NLRP4: variants seen among roughly 807,000 people sequenced by gnomAD.
The protein encoded by NLRP4 is NACHT, LRR and PYD domains-containing protein 4.
A neutral mutation model predicts 84.7 loss-of-function variants in NLRP4; 44 were observed. That is an observed-to-expected ratio of 0.52 (90% CI 0.41 to 0.67). The LOEUF is 0.67. Ranked by LOEUF, NLRP4 falls within the 30% of genes least tolerant of loss-of-function variation. The pLI is 0.00. For synonymous variants in NLRP4, 544 were observed against 476.4 expected (o/e 1.14, Z -1.85); for missense variants, 1,260 against 1,219.4 (o/e 1.03, Z -0.50).
intron 9 of NLRP4, 48 bp downstream of exon 9, chr19:55,879,012 G>A: frequency 6.8e-7 from 1 of 1,461,478 alleles, no homozygotes; most frequent in Non-Finnish European, 9.5e-7. Context: ...TCCGGGCTAA[G>A]AAGGGATTGG....
intron 1 of NLRP4, among the ~76,000 whole-genome samples, chr19:55,840,566 T>A (rs979082721): frequency 2.6e-5 from 4 of 151,980 alleles, no homozygotes; most frequent in African/African-American, 9.7e-5. Flanking sequence ...TATTTTTTAT[T>A]TTTTGGTATT....
At position 55,867,888 on chromosome 19, in the gene NLRP4, T is replaced by C. The variant is rs1268130006; in HGVS notation, c.2354+12T>C. On this transcript the variant is annotated intron_variant, in intron 6 of 9. Transcript: ENST00000301295. ...CTGGTATACCTGATGTGAGTGGATG[T>C]TGGGGGTGCCTACTGTGGAGGGCCA... 1 of 1,612,446 alleles carries C rather than the reference T, an allele frequency of 6.2e-7. No individual in the cohort carries two copies. Among genetic ancestry groups the C allele is most frequent in the South Asian group, 1.1e-5 (1 of 90,880 alleles).
intron 1 of NLRP4, among the ~76,000 whole-genome samples, chr19:55,845,153 TCTC>T (rs1341057061): frequency 6.7e-6 from 1 of 149,178 alleles, no homozygotes; most frequent in Admixed American, 6.7e-5. Context: ...ATTAGGTACA[TCTC>T]CTAATGCTAT....
chr19:55,849,698 G>A (rs960665739), intron 1 of NLRP4, among the ~76,000 whole-genome samples: 2 of 152,210 alleles, frequency 1.3e-5, no homozygotes, highest in African/African-American at 4.8e-5. Flanking sequence ...CTTCTCTATT[G>A]TTTACTGAGA....
chr19:55,859,098 G>T lies in NLRP4; in HGVS notation c.1705G>T (p.Ala569Ser). 6.2e-7 allele frequency: 1 copy of T among 1,614,004 alleles called. No homozygotes were observed. The highest frequency in any genetic ancestry group is 8.5e-7 in the Non-Finnish European group (1 of 1,179,908). ...EMQDPAFVKQ[A>S]VNLLQEANFH... ...GCAGGATCCTGCCTTTGTGAAGCAG[G>T]CAGTGAACCTCCTCCAAGAAGCTAA... The change falls in exon 3 of 10, where the codon GCA (alanine) becomes TCA (serine). Residue 569 changes from alanine to serine, a missense_variant. This residue lies in a region of NLRP4 where 544 missense variants were observed against 531.7 expected (regional missense o/e 1.02). Transcript: ENST00000301295.
At chr19:55,869,312 C>T (rs1001387316) in intron 6 of NLRP4, among the ~76,000 whole-genome samples, 2 of 151,226 alleles carry the variant, frequency 1.3e-5, no homozygotes, top group Admixed American at 1.3e-4. Flanking sequence ...TGCAGTGAGC[C>T]GAGATCGCAC....
intron 3 of NLRP4, among the ~76,000 whole-genome samples, chr19:55,860,103 G>A (rs1454268392): frequency 9.3e-5 from 14 of 150,018 alleles, no homozygotes; most frequent in South Asian, 8.4e-4. Context: ...CTCCTGCCTC[G>A]GCCTCCCGAA....
At chr19:55,866,497 C>T (rs1401037250) in intron 5 of NLRP4, among the ~76,000 whole-genome samples, 4 of 152,098 alleles carry the variant, frequency 2.6e-5, no homozygotes, top group Non-Finnish European at 4.4e-5. Context: ...TGTCTCTGAG[C>T]TTATTTTTTG....
intron 1 of NLRP4, among the ~76,000 whole-genome samples, chr19:55,843,747 C>G (rs1983697168): frequency 6.6e-6 from 1 of 151,926 alleles, no homozygotes; most frequent in South Asian, 2.1e-4. Flanking sequence ...TAGGTTGGTA[C>G]AAAAGTAATT....
Position 55,858,108 on chromosome 19 carries a change from G to A in NLRP4, c.715G>A (p.Gly239Ser), listed in dbSNP as rs757818979. Reference sequence around the variant, plus strand: ...CGACAGCTTCGAAGAGCTGCAGGGCGGCTTGAACGAACCCGATTCGGATCT... The same window carrying A: ...CGACAGCTTCGAAGAGCTGCAGGGCAGCTTGAACGAACCCGATTCGGATCT... ...VIDSFEELQG[G>S]LNEPDSDLCG... Residue 239 changes from glycine to serine, a missense_variant, in exon 3 of 10, where the codon GGC becomes AGC. Around this residue, in one of 3 missense-constraint regions of NLRP4, gnomAD observed 712 missense variants for 669.2 expected, o/e 1.06. Coordinates refer to ENST00000301295, the MANE Select transcript of NLRP4 (RefSeq NM_134444.5). The surrounding 1 kb of genome is among the most constrained non-coding windows in gnomAD (Gnocchi z 4.2). 26 of 1,614,022 alleles carry A rather than the reference G, an allele frequency of 1.6e-5. No individual in the cohort carries two copies. Among genetic ancestry groups the A allele is most frequent in the Middle Eastern group, 1.6e-4 (1 of 6,084 alleles).
chr19:55,859,908 C>T (rs1861103557), intron 3 of NLRP4, among the ~76,000 whole-genome samples: 1 of 104,102 alleles, frequency 9.6e-6, no homozygotes, highest in Non-Finnish European at 1.7e-5. Context: ...GGCTGGGTGA[C>T]AGTGAGACTC....
chr19:55,873,021 G>A (rs302443), intron 7 of NLRP4, among the ~76,000 whole-genome samples: 45,820 of 151,982 alleles, frequency 0.3, 7,440 homozygotes, highest in African/African-American at 0.41. Context: ...GCGGGGAGAC[G>A]GGAGGGTGGA....
intron 9 of NLRP4, among the ~76,000 whole-genome samples, chr19:55,880,643 G>A (rs1370222974): frequency 6.6e-6 from 1 of 152,140 alleles, no homozygotes; most frequent in East Asian, 1.9e-4. Context: ...AACAGTGTGG[G>A]ACAGTTGCAC....
chr19:55,852,426 G>GT (rs1336877286), intron 2 of NLRP4, 66 bp downstream of exon 2: 2 of 977,614 alleles, frequency 2.0e-6, no homozygotes, highest in African/African-American at 3.4e-5. Flanking sequence ...TTGGTGAGTG[G>GT]TCTCTGCCTG....
intron 6 of NLRP4, among the ~76,000 whole-genome samples, chr19:55,868,619 C>T (rs1249455082): frequency 6.6e-6 from 1 of 151,748 alleles, no homozygotes; most frequent in Non-Finnish European, 1.5e-5. Context: ...TCCCCTGCCT[C>T]AGTCTCCCAA....
rs536321206 is a variant in NLRP4, at chr19:55,846,717, G to A, written c.-65-5299G>A. Among the ~76,000 whole-genome samples, 46 of 152,206 alleles carry A rather than the reference G, an allele frequency of 3.0e-4. 1 individual carries two copies. Among genetic ancestry groups the A allele is most frequent in the Admixed American group, 2.6e-3 (40 of 15,272 alleles). On this transcript the variant is annotated intron_variant, in intron 1 of 9. Transcript: ENST00000301295. ...GGATTTGCATAGCAAGTTACCAGTT[G>A]GTGCTGATGTTCCTTGGAGAAGTAT...
intron 3 of NLRP4, 106 bp from the exon 4 acceptor site, chr19:55,861,280 G>A (rs960412786): frequency 2.1e-6 from 2 of 932,880 alleles, no homozygotes; most frequent in East Asian, 2.6e-5. Flanking sequence ...GGGAGGCTCT[G>A]CCTCAGACAT....
chr19:55,854,616 T>G (rs1473279420), intron 2 of NLRP4, among the ~76,000 whole-genome samples: 1 of 152,192 alleles, frequency 6.6e-6, no homozygotes, highest in African/African-American at 2.4e-5. Context: ...TTAAAATAAT[T>G]GGTTTGAAAT....
intron 2 of NLRP4, 100 bp downstream of exon 2, chr19:55,852,460 T>C: frequency 1.4e-6 from 1 of 696,314 alleles, no homozygotes. Flanking sequence ...CTGAATGTGC[T>C]ATGGGAAAAT....
Sources: allele counts gnomAD v4.1 joint callset (sites outside exome capture counted in the v4.1 genomes callset), GRCh38; gene constraint gnomAD v4.1.1; regional missense constraint gnomAD v4.1.1; non-coding constraint Gnocchi (gnomAD v3.1); transcripts MANE v1.5; gene names NCBI Gene and HGNC (gene_info 2026-07-23, HGNC 2026-07-21).